The following GREB1 variants were observed in gnomAD, a reference collection of about 807,000 sequenced individuals.
GREB1 encodes protein GREB1.
Under a neutral mutation model 200.7 loss-of-function variants are expected in GREB1, and 106 were observed. The observed-to-expected ratio is 0.53, with a 90% CI of 0.45 to 0.62. The LOEUF (loss-of-function observed/expected upper bound fraction) is 0.62. Among genes scored for constraint, GREB1 ranks in the 20% least tolerant of loss-of-function variants. The pLI, the probability that GREB1 is intolerant of heterozygous loss-of-function variation, is 0.00. For missense variants in GREB1, 2,243 were observed against 2,556.8 expected (o/e 0.88, Z 2.65); for synonymous variants, 1,132 against 1,092.4 (o/e 1.04, Z -0.72).
intron 1 of GREB1, among the ~76,000 whole-genome samples, chr2:11,490,700 C>T (rs1672757512): frequency 6.6e-6 from 1 of 152,138 alleles, no homozygotes; most frequent in Non-Finnish European, 1.5e-5. Context: ...AGGCGTGCAG[C>T]ACCACGCCCG....
chr2:11,630,209 C>A, intron 26 of GREB1, 100 bp downstream of exon 26: 2 of 1,147,134 alleles, frequency 1.7e-6, no homozygotes, highest in Non-Finnish European at 1.2e-6. Context: ...GTGCAGACAC[C>A]GATACAGGGA....
chr2:11,543,157 CT>C (rs1674927566), intron 1 of GREB1, among the ~76,000 whole-genome samples: 1 of 152,106 alleles, frequency 6.6e-6, no homozygotes, highest in Admixed American at 6.5e-5. Flanking sequence ...AGTTGGGAAG[CT>C]GGCAGAAGGG....
At chr2:11,578,764 T>C (rs1679158812) in intron 6 of GREB1, among the ~76,000 whole-genome samples, 1 of 152,130 alleles carries the variant, frequency 6.6e-6, no homozygotes, top group South Asian at 2.1e-4. Flanking sequence ...TTGAATGAAT[T>C]GCTAGAAGGG....
At chr2:11,604,264 C>G (rs965378615) in intron 17 of GREB1, among the ~76,000 whole-genome samples, 1 of 152,208 alleles carries the variant, frequency 6.6e-6, no homozygotes, top group Non-Finnish European at 1.5e-5. Context: ...CAAAATCATC[C>G]TTCCTGGGTT....
In GREB1 at chr2:11,590,367, G is replaced by A. The variant is rs146164221; in HGVS notation, c.1345+1436G>A. Reference sequence around the variant, plus strand: ...GCCCTGCCGCGGCTTCCCATCAGTCGCTCACTCCACCCCTTCCCGGGGGCC... The same window carrying A: ...GCCCTGCCGCGGCTTCCCATCAGTCACTCACTCCACCCCTTCCCGGGGGCC... On this transcript the variant is annotated intron_variant, in intron 10 of 32. Coordinates refer to ENST00000381486, the MANE Select transcript of GREB1 (RefSeq NM_014668.4). Among the ~76,000 whole-genome samples the A allele has an allele frequency of 5.7e-3, 866 of 152,100 alleles. 9 individuals carry two copies. The highest frequency in any genetic ancestry group is 7.9e-3 in the South Asian group (38 of 4,792).
intron 17 of GREB1, among the ~76,000 whole-genome samples, chr2:11,608,226 A>G (rs1228643680): frequency 3.3e-5 from 5 of 152,204 alleles, no homozygotes; most frequent in African/African-American, 4.8e-5. Flanking sequence ...TGAAGATTTC[A>G]TCTCTAGAAT....
At chr2:11,566,019 T>TTTTATATATA (rs142992265) in intron 3 of GREB1, among the ~76,000 whole-genome samples, 4 of 149,086 alleles carry the variant, frequency 2.7e-5, no homozygotes, top group South Asian at 2.1e-4. Flanking sequence ...ATAACTATGA[T>TTTTATATATA]TATATATATA....
At chr2:11,498,336 A>T (rs1672944133) in intron 1 of GREB1, among the ~76,000 whole-genome samples, 1 of 152,162 alleles carries the variant, frequency 6.6e-6, no homozygotes, top group African/African-American at 2.4e-5. Context: ...GTAGATACCC[A>T]GTTGTTCCAG....
intron 21 of GREB1, among the ~76,000 whole-genome samples, chr2:11,616,981 A>G (rs1284088686): frequency 6.6e-6 from 1 of 152,146 alleles, no homozygotes; most frequent in Admixed American, 6.5e-5. Context: ...CCTGCCCCTC[A>G]CTGTGGCTGG....
intron 1 of GREB1, among the ~76,000 whole-genome samples, chr2:11,512,460 G>A (rs34842623): frequency 0.046 from 7,000 of 152,296 alleles, 197 homozygotes; most frequent in Middle Eastern, 0.095. Flanking sequence ...TGAATGCAAC[G>A]GGTGTGATTC....
intron 21 of GREB1, among the ~76,000 whole-genome samples, 165 bp from the exon 22 acceptor site, chr2:11,618,123 C>T (rs1306348982): frequency 5.7e-5 from 3 of 52,226 alleles, no homozygotes; most frequent in South Asian, 1.1e-3. Context: ...GACGAGTCGC[C>T]CCTGAGATGG....
chr2:11,489,905 G>T (rs922715463), intron 1 of GREB1, among the ~76,000 whole-genome samples: 1 of 150,756 alleles, frequency 6.6e-6, no homozygotes. Context: ...TGTCAGAACC[G>T]TATTATTATA....
intron 1 of GREB1, among the ~76,000 whole-genome samples, chr2:11,550,899 C>G (rs1482697056): frequency 6.6e-6 from 1 of 152,198 alleles, no homozygotes; most frequent in Non-Finnish European, 1.5e-5. Flanking sequence ...GCCTCCTCTC[C>G]TTTCTTTGTC....
At chr2:11,562,440 A>C (rs1677162060) in intron 2 of GREB1, 23 bp from the exon 3 acceptor site, 4 of 1,611,158 alleles carry the variant, frequency 2.5e-6, no homozygotes, top group Non-Finnish European at 2.5e-6. Flanking sequence ...TGCCTTGCTC[A>C]TCACTCTTCT....
intron 1 of GREB1, among the ~76,000 whole-genome samples, chr2:11,538,928 T>C (rs1674496738): frequency 6.4e-5 from 1 of 15,622 alleles, no homozygotes; most frequent in Non-Finnish European, 1.5e-4. Flanking sequence ...CCTCCCCTCG[T>C]GTCCCCTCCC....
intron 32 of GREB1, 48 bp downstream of exon 32, chr2:11,638,857 T>C (rs750285964): frequency 4.4e-6 from 7 of 1,596,682 alleles, no homozygotes; most frequent in Non-Finnish European, 6.0e-6. Flanking sequence ...ATGGCTGTAG[T>C]CACCGGGTAC....
In GREB1 at chr2:11,539,017, C is replaced by CCTTCTCTTCTCTTCT. The variant is rs753570964; in HGVS notation, c.-162+4802_-162+4816dup. ...TTCTCCTCCTTTCTCCCTTCTCCTCCCTTCTCTTCTCTTCTCTTCTCTTCT... is the reference window on the plus strand; with the variant it reads ...TTCTCCTCCTTTCTCCCTTCTCCTCCCTTCTCTTCTCTTCTCTTCTCTTCTCTTCTCTTCTCTTCT... On this transcript the variant is annotated intron_variant, in intron 1 of 32. Transcript: ENST00000381486. Among the ~76,000 whole-genome samples the CCTTCTCTTCTCTTCT allele has an allele frequency of 4.8e-3, 389 of 80,550 alleles. 9 individuals carry two copies. The highest frequency in any genetic ancestry group is 8.7e-3 in the African/African-American group (157 of 18,112). The allele number at this position is 80,550 out of a possible 152,430, so 52.8% of individuals were successfully genotyped here.
At chr2:11,495,063 T>G (rs1361347208) in intron 1 of GREB1, among the ~76,000 whole-genome samples, 1 of 152,190 alleles carries the variant, frequency 6.6e-6, no homozygotes, top group Non-Finnish European at 1.5e-5. Context: ...CGCTTGCCCC[T>G]GCCCCCGGTG....
intron 9 of GREB1, among the ~76,000 whole-genome samples, chr2:11,586,633 G>T (rs1193245271): frequency 6.6e-6 from 1 of 152,164 alleles, no homozygotes; most frequent in Non-Finnish European, 1.5e-5. Context: ...GTGCACGCAG[G>T]CCCCTCTTAA....
Sources: allele counts gnomAD v4.1 joint callset (sites outside exome capture counted in the v4.1 genomes callset), GRCh38; gene constraint gnomAD v4.1.1; transcripts MANE v1.5; gene names NCBI Gene and HGNC (gene_info 2026-07-23, HGNC 2026-07-21).